Variants in WWOX observed in about 807,000 individuals in gnomAD.
The protein encoded by WWOX is WW domain-containing oxidoreductase.
WWOX carries 69 observed loss-of-function variants against 46.2 expected under a neutral mutation model. That is an observed-to-expected ratio of 1.49 (90% CI 1.23 to 1.82). The LOEUF (loss-of-function observed/expected upper bound fraction) is 1.82, where lower values mean the gene tolerates loss of function less well. Among genes scored for constraint, WWOX ranks in the 40% most tolerant of loss-of-function variants. The probability of loss-of-function intolerance (pLI) is 0.00; values close to 1 mark genes in which losing one functional copy is unlikely to be tolerated. For synonymous variants in WWOX, 359 were observed against 202.6 expected, an observed-to-expected ratio of 1.77 and a Z score of -6.56; for missense variants, 919 against 542.6, an observed-to-expected ratio of 1.69 and a Z score of -6.89.
chr16:78,826,346 C>A (rs2051656541), intron 8 of WWOX, among the ~76,000 whole-genome samples: 1 of 152,200 alleles, frequency 6.6e-6, no homozygotes, highest in African/African-American at 2.4e-5. Flanking sequence ...AACTCAGTCT[C>A]AAAACAACAG....
chr16:78,422,445 A>C lies in WWOX; in HGVS notation c.606-2425A>C, dbSNP rs376408875. Among the ~76,000 whole-genome samples the C allele has an allele frequency of 4.0e-5, 6 of 151,166 alleles. No individual in the cohort carries two copies. The East Asian group carries it at 1.2e-3, about 29-fold the overall frequency. On this transcript the variant is annotated intron_variant, in intron 6 of 8. Transcript: ENST00000566780. ...TGCAGCCCTTGAACTCCTGGGCTCAAGTAATCCTCCTATCTCAGCCTCCGA... is the reference window on the plus strand; with the variant it reads ...TGCAGCCCTTGAACTCCTGGGCTCACGTAATCCTCCTATCTCAGCCTCCGA...
intron 6 of WWOX, among the ~76,000 whole-genome samples, chr16:78,410,259 A>T (rs2082647851): frequency 6.6e-6 from 1 of 152,140 alleles, no homozygotes; most frequent in African/African-American, 2.4e-5. Context: ...ATCTCTTTTC[A>T]TTATAAATTA....
At chr16:78,728,522 G>A (rs1279343938) in intron 8 of WWOX, among the ~76,000 whole-genome samples, 1 of 152,126 alleles carries the variant, frequency 6.6e-6, no homozygotes, top group Admixed American at 6.6e-5. Context: ...ATATCACATG[G>A]CATGTGGCCT....
chr16:79,193,729 C>G (rs1446591077), intron 8 of WWOX, among the ~76,000 whole-genome samples: 2 of 152,190 alleles, frequency 1.3e-5, no homozygotes, highest in Non-Finnish European at 2.9e-5. Context: ...AAAGTCCCCA[C>G]TTGGGCAAAA....
intron 5 of WWOX, among the ~76,000 whole-genome samples, chr16:78,187,779 G>T (rs1266320347): frequency 6.6e-6 from 1 of 152,164 alleles, no homozygotes; most frequent in African/African-American, 2.4e-5. Flanking sequence ...CATGTCTGTT[G>T]TCCTTCCTTT....
chr16:78,259,006 G>A (rs941432822), intron 5 of WWOX, among the ~76,000 whole-genome samples: 3 of 152,094 alleles, frequency 2.0e-5, no homozygotes, highest in Non-Finnish European at 2.9e-5. Flanking sequence ...TACCTCAGAC[G>A]TGCCAAAAAT....
At chr16:78,301,162 A>G (rs138634571) in intron 5 of WWOX, among the ~76,000 whole-genome samples, 2 of 152,352 alleles carry the variant, frequency 1.3e-5, no homozygotes, top group African/African-American at 4.8e-5. Flanking sequence ...TATCATGTCT[A>G]TGAAATTGGT....
intron 8 of WWOX, among the ~76,000 whole-genome samples, chr16:78,641,982 T>A (rs9923771): frequency 0.25 from 37,448 of 151,942 alleles, 4,838 homozygotes; most frequent in African/African-American, 0.32. Flanking sequence ...GAGCCGTAAG[T>A]CCTTGGAAAA....
intron 8 of WWOX, among the ~76,000 whole-genome samples, chr16:79,118,362 A>G (rs1267782775): frequency 6.6e-6 from 1 of 152,218 alleles, no homozygotes; most frequent in Admixed American, 6.5e-5. Flanking sequence ...TGCCCCAAAA[A>G]ATGACAATGG....
chr16:78,126,811 C>G (rs9319518), intron 4 of WWOX, among the ~76,000 whole-genome samples: 48,135 of 152,040 alleles, frequency 0.32, 8,134 homozygotes, highest in African/African-American at 0.43. Flanking sequence ...TTAAACTTGT[C>G]TGGCTTTGCA....
At chr16:78,231,500 T>G (rs1042814841) in intron 5 of WWOX, among the ~76,000 whole-genome samples, 1 of 152,190 alleles carries the variant, frequency 6.6e-6, no homozygotes, top group African/African-American at 2.4e-5. Context: ...CTGTTTTCCA[T>G]AATTGTGTAG....
At chr16:78,999,768 C>G (rs897210939) in intron 8 of WWOX, among the ~76,000 whole-genome samples, 3 of 152,236 alleles carry the variant, frequency 2.0e-5, no homozygotes, top group Middle Eastern at 3.4e-3. Context: ...GCCATGTTCA[C>G]TATTCAGATG....
At chr16:78,641,482 C>T (rs2046709798) in intron 8 of WWOX, among the ~76,000 whole-genome samples, 1 of 152,056 alleles carries the variant, frequency 6.6e-6, no homozygotes, top group African/African-American at 2.4e-5. Flanking sequence ...AATCCCCTCT[C>T]ACGCCCCAAG....
chr16:78,398,040 T>C (rs1597163571), intron 6 of WWOX, among the ~76,000 whole-genome samples: 1 of 152,368 alleles, frequency 6.6e-6, no homozygotes, highest in Admixed American at 6.5e-5. Flanking sequence ...TGAATGTCAC[T>C]GTCCATTTCC....
chr16:78,642,560 G>A (rs1451947834), intron 8 of WWOX, among the ~76,000 whole-genome samples: 1 of 152,086 alleles, frequency 6.6e-6, no homozygotes, highest in Admixed American at 6.6e-5. Context: ...GCGCCACCAG[G>A]AGCCACTTGT....
intron 8 of WWOX, among the ~76,000 whole-genome samples, chr16:78,574,852 T>C (rs958131527): frequency 5.3e-5 from 8 of 149,736 alleles, no homozygotes; most frequent in African/African-American, 2.0e-4. Context: ...TTCTCGTTAA[T>C]AATAAACCAG....
At chr16:78,677,157 C>G (rs933371080) in intron 8 of WWOX, among the ~76,000 whole-genome samples, 21 of 152,046 alleles carry the variant, frequency 1.4e-4, no homozygotes, top group Admixed American at 2.6e-4. Context: ...GACCCCAAAG[C>G]TTGCTGTCCC....
intron 8 of WWOX, among the ~76,000 whole-genome samples, chr16:78,909,057 G>T (rs941160577): frequency 6.6e-6 from 1 of 152,156 alleles, no homozygotes; most frequent in Non-Finnish European, 1.5e-5. Context: ...AAGTTAAACC[G>T]TAAACTAAGT....
intron 8 of WWOX, among the ~76,000 whole-genome samples, chr16:79,053,230 A>T (rs564310563): frequency 4.6e-5 from 7 of 152,206 alleles, no homozygotes; most frequent in South Asian, 2.1e-4. Context: ...TTATTATTGC[A>T]CACATACGTA....
Sources: gnomAD v4.1 joint callset for allele counts (sites outside exome capture counted in the v4.1 genomes callset) on GRCh38, gnomAD v4.1.1 for gene constraint, MANE v1.5 for transcripts, NCBI Gene and HGNC (gene_info 2026-07-23, HGNC 2026-07-21) for gene names.